The following CACNA2D1 variants were observed in gnomAD, a reference collection of about 807,000 sequenced individuals.
The protein encoded by CACNA2D1 is voltage-dependent calcium channel subunit alpha-2/delta-1.
CACNA2D1 carries 53 observed loss-of-function variants against 171.5 expected under a neutral mutation model. That is an observed-to-expected ratio of 0.31 (90% CI 0.25 to 0.39). CACNA2D1 has a LOEUF of 0.39. Among genes scored for constraint, CACNA2D1 ranks in the 10% least tolerant of loss-of-function variants. The pLI, the probability that CACNA2D1 is intolerant of heterozygous loss-of-function variation, is 1.00. For synonymous variants in CACNA2D1, 442 were observed against 443.1 expected, an observed-to-expected ratio of 1.00 and a Z score of 0.03; for missense variants, 903 against 1,299.8, an observed-to-expected ratio of 0.69 and a Z score of 4.69.
chr7:82,235,300 A>G (rs1244002874), intron 3 of CACNA2D1, among the ~76,000 whole-genome samples: 1 of 152,178 alleles, frequency 6.6e-6, no homozygotes, highest in African/African-American at 2.4e-5. Context: ...AATATTCCAC[A>G]CAAGTGCTAG....
chr7:82,170,279 T>C (rs1223566098), intron 4 of CACNA2D1, among the ~76,000 whole-genome samples: 51 of 151,910 alleles, frequency 3.4e-4, no homozygotes, highest in Admixed American at 3.3e-3. Flanking sequence ...ATAAATAATG[T>C]ACCTTTAATT....
At chr7:82,336,586 A>G (rs945363739) in intron 2 of CACNA2D1, among the ~76,000 whole-genome samples, 50 of 152,312 alleles carry the variant, frequency 3.3e-4, no homozygotes, top group African/African-American at 1.1e-3. Context: ...GGATTCATCC[A>G]GGAGTCCTGC....
At chr7:82,073,892 C>T (rs1808643352) in intron 7 of CACNA2D1, among the ~76,000 whole-genome samples, 1 of 152,262 alleles carries the variant, frequency 6.6e-6, no homozygotes, top group South Asian at 2.1e-4. Context: ...TCAGCCCTCA[C>T]TCTCGGCCTG....
At chr7:81,989,809 A>T (rs1181538898) in intron 21 of CACNA2D1, among the ~76,000 whole-genome samples, 1 of 152,228 alleles carries the variant, frequency 6.6e-6, no homozygotes, top group East Asian at 1.9e-4. Flanking sequence ...TGCACAAGAC[A>T]GTGAAAGACC....
At chr7:81,953,664 C>T (rs1229130596) in intron 38 of CACNA2D1, among the ~76,000 whole-genome samples, 2 of 151,948 alleles carry the variant, frequency 1.3e-5, no homozygotes, top group Non-Finnish European at 1.5e-5. Flanking sequence ...TAAAGCAGCA[C>T]ACATGGACTG....
intron 3 of CACNA2D1, among the ~76,000 whole-genome samples, chr7:82,287,392 C>A (rs1436340142): frequency 6.6e-6 from 1 of 152,008 alleles, no homozygotes. Flanking sequence ...TTATCCTTGG[C>A]TGGGATGTTC....
At chr7:82,327,700 T>G (rs928399991) in intron 3 of CACNA2D1, among the ~76,000 whole-genome samples, 5 of 152,180 alleles carry the variant, frequency 3.3e-5, no homozygotes, top group Admixed American at 1.3e-4. Context: ...TCTTGACACT[T>G]CTTAGCAGCT....
At chr7:81,979,042 A>C (rs1371228489) in intron 24 of CACNA2D1, among the ~76,000 whole-genome samples, 1 of 151,972 alleles carries the variant, frequency 6.6e-6, no homozygotes, top group Non-Finnish European at 1.5e-5. Context: ...AACCTTGAAA[A>C]CATCATGCTA....
chr7:82,345,716 G>GTGTT (rs1382723465), intron 2 of CACNA2D1, among the ~76,000 whole-genome samples: 3 of 147,578 alleles, frequency 2.0e-5, no homozygotes, highest in Admixed American at 2.0e-4. Flanking sequence ...GTGTGTGTGT[G>GTGTT]TTTAGAAATA....
intron 22 of CACNA2D1, among the ~76,000 whole-genome samples, chr7:81,983,777 C>A (rs1796674521): frequency 6.6e-6 from 1 of 152,094 alleles, no homozygotes; most frequent in Non-Finnish European, 1.5e-5. Context: ...ATGTATAATG[C>A]ACAGTGAACA....
chr7:82,345,860 C>T (rs981483648), intron 2 of CACNA2D1, among the ~76,000 whole-genome samples: 16 of 152,166 alleles, frequency 1.1e-4, no homozygotes, highest in South Asian at 6.2e-4. Context: ...GTTAATACAG[C>T]TTTAATACAT....
intron 3 of CACNA2D1, among the ~76,000 whole-genome samples, chr7:82,321,200 A>T (rs1208647869): frequency 6.6e-6 from 1 of 152,026 alleles, no homozygotes; most frequent in Non-Finnish European, 1.5e-5. Flanking sequence ...GGAGTTCAAG[A>T]CCAGCCTGGC....
At chr7:82,141,699 G>A (rs528824211) in intron 4 of CACNA2D1, among the ~76,000 whole-genome samples, 193 of 152,292 alleles carry the variant, frequency 1.3e-3, no homozygotes, top group African/African-American at 4.4e-3. Flanking sequence ...ATCTCATTAT[G>A]GTTGGATGAC....
intron 3 of CACNA2D1, among the ~76,000 whole-genome samples, chr7:82,270,026 T>G (rs1808409395): frequency 6.6e-6 from 1 of 152,176 alleles, no homozygotes; most frequent in Non-Finnish European, 1.5e-5. Flanking sequence ...CTCCAATGCC[T>G]TATTTTGTTA....
chr7:82,005,245 C>T, intron 18 of CACNA2D1, 178 bp downstream of exon 18: 1 of 548,528 alleles, frequency 1.8e-6, no homozygotes, highest in East Asian at 3.0e-5. Context: ...ATGAAAACTG[C>T]TTTCACACTT....
chr7:82,230,113 G>A (rs10250592), intron 3 of CACNA2D1, among the ~76,000 whole-genome samples: 15,330 of 152,200 alleles, frequency 0.1, 1,387 homozygotes, highest in African/African-American at 0.24. Flanking sequence ...AAACACCTGT[G>A]TAATTAGCAC....
chr7:82,286,441 A>G (rs1810779274), intron 3 of CACNA2D1, among the ~76,000 whole-genome samples: 1 of 152,190 alleles, frequency 6.6e-6, no homozygotes, highest in Admixed American at 6.5e-5. Flanking sequence ...TACTCAAAAT[A>G]ATTTTAAAAC....
rs1186424659 is a variant in CACNA2D1 at position 81,967,171 on chromosome 7, C to T, written c.2500G>A (p.Asp834Asn). The change falls in exon 31 of 39, where the codon GAC becomes AAC. Residue 834 changes from aspartate to asparagine, a missense_variant and splice_region_variant. This residue lies in a region of CACNA2D1 where 623 missense variants were observed against 925.5 expected (regional missense o/e 0.67). Coordinates refer to ENST00000356860, the MANE Select transcript of CACNA2D1 (RefSeq NM_000722.4). Reference sequence around the variant, plus strand: ...GTGATTTTAAATAGTTTTCTTACGTCACTGTTTCTTTTGCAGTCACAAACT... The same window carrying T: ...GTGATTTTAAATAGTTTTCTTACGTTACTGTTTCTTTTGCAGTCACAAACT... ...GPVCDCKRNS[D>N]VMDCVILDDG... 3 of 1,604,988 alleles carry T rather than the reference C, an allele frequency of 1.9e-6. No individual in the cohort carries two copies. The highest frequency in any genetic ancestry group is 1.7e-5 in the Admixed American group (1 of 59,630).
chr7:82,420,143 C>T (rs1041606343), intron 1 of CACNA2D1, among the ~76,000 whole-genome samples: 32 of 152,120 alleles, frequency 2.1e-4, no homozygotes, highest in African/African-American at 7.2e-4. Context: ...ATACTATGTT[C>T]CATAGATGCA....
Sources: allele counts gnomAD v4.1 joint callset (sites outside exome capture counted in the v4.1 genomes callset), GRCh38; gene constraint gnomAD v4.1.1; regional missense constraint gnomAD v4.1.1; transcripts MANE v1.5; gene names NCBI Gene and HGNC (gene_info 2026-07-23, HGNC 2026-07-21).